The following ZSCAN25 variants were observed in gnomAD, a reference collection of about 807,000 sequenced individuals.
ZSCAN25 encodes the protein zinc finger and SCAN domain-containing protein 25.
Under a neutral mutation model 38.7 loss-of-function variants are expected in ZSCAN25, and 27 were observed. That is an observed-to-expected ratio of 0.70 (90% CI 0.51 to 0.96). The LOEUF is 0.96. ZSCAN25 is among the 40% of genes least tolerant of loss of function. ZSCAN25 has a pLI of 0.00. For missense variants in ZSCAN25, 637 were observed against 705.9 expected, an observed-to-expected ratio of 0.90 and a Z score of 1.11; for synonymous variants, 273 against 277.7, an observed-to-expected ratio of 0.98 and a Z score of 0.17.
the ZSCAN25 span, chr7:99,717,213 C>G: frequency 1.2e-6 from 2 of 1,613,894 alleles, no homozygotes; most frequent in South Asian, 2.2e-5. Context: ...CTCTGCTTCC[C>G]GCCTCAGATT....
chr7:99,714,493 A>T, the ZSCAN25 span: 133 of 1,600,912 alleles, frequency 8.3e-5, 2 homozygotes, highest in South Asian at 1.1e-3. Context: ...CACCGATCAT[A>T]TGTATATTTC....
At chr7:99,638,591 A>G in the ZSCAN25 span, 5 of 1,577,992 alleles carry the variant, frequency 3.2e-6, no homozygotes, top group Non-Finnish European at 3.5e-6. Flanking sequence ...CATATGTTGA[A>G]CTTGACATTT....
intron 7 of ZSCAN25, among the ~76,000 whole-genome samples, chr7:99,626,677 G>C (rs750584529): frequency 6.6e-6 from 1 of 152,206 alleles, no homozygotes; most frequent in Non-Finnish European, 1.5e-5. Flanking sequence ...AGTTCCATTT[G>C]TTGACTTTGA....
chr7:99,622,827 A>G (rs1430651612), intron 6 of ZSCAN25, among the ~76,000 whole-genome samples, 187 bp downstream of exon 6: 1 of 152,138 alleles, frequency 6.6e-6, no homozygotes, highest in Non-Finnish European at 1.5e-5. Context: ...GTTAATTTAC[A>G]TCGAACCTTA....
At chr7:99,704,790 C>T in the ZSCAN25 span, among the ~76,000 whole-genome samples, 2 of 151,858 alleles carry the variant, frequency 1.3e-5, no homozygotes, top group Non-Finnish European at 1.5e-5. Context: ...AGTGAAACTC[C>T]GTCTGTACTA....
the ZSCAN25 span, among the ~76,000 whole-genome samples, chr7:99,700,577 T>G: frequency 6.6e-6 from 1 of 152,154 alleles, no homozygotes; most frequent in South Asian, 2.1e-4. Flanking sequence ...ATGTAACCAT[T>G]TCCTCCTCTG....
At chr7:99,715,688 T>C in the ZSCAN25 span, 1 of 1,609,208 alleles carries the variant, frequency 6.2e-7, no homozygotes. Flanking sequence ...AATTACATGG[T>C]GATTTACATC....
chr7:99,727,455 T>G, the ZSCAN25 span, among the ~76,000 whole-genome samples: 8 of 152,112 alleles, frequency 5.3e-5, no homozygotes, highest in African/African-American at 1.7e-4. Context: ...CTCTGTTGAG[T>G]CTCCCACAAT....
At chr7:99,714,752 A>G in the ZSCAN25 span, 2 of 1,582,996 alleles carry the variant, frequency 1.3e-6, no homozygotes, top group Non-Finnish European at 1.7e-6. Flanking sequence ...GAGCAATTCT[A>G]ATTTTCTCTA....
chr7:99,688,579 T>G, the ZSCAN25 span, among the ~76,000 whole-genome samples: 1 of 152,144 alleles, frequency 6.6e-6, no homozygotes, highest in Non-Finnish European at 1.5e-5. Flanking sequence ...AATGGGAGAC[T>G]TTAACACCCC....
the ZSCAN25 span, chr7:99,638,530 C>T: frequency 1.5e-5 from 23 of 1,512,472 alleles, no homozygotes; most frequent in South Asian, 2.0e-4. Context: ...CCTTGGGTCC[C>T]AGTGTAGTTA....
the ZSCAN25 span, chr7:99,648,424 G>A: frequency 3.3e-6 from 5 of 1,528,818 alleles, no homozygotes; most frequent in Non-Finnish European, 4.4e-6. Flanking sequence ...ACAAGCATAT[G>A]GAGAATTAAT....
Position 99,617,017 on chromosome 7 carries a change from G to A in ZSCAN25, c.-259+1G>A, listed in dbSNP as rs961414997. ...GAGAGGCCCTTCAGGGCCGCGGCGG[G>A]TGAGAGCCTCTTCAGGGCCGCAGCG... On this transcript the variant is annotated splice_donor_variant, in intron 1 of 7. Transcript: ENST00000394152. LOFTEE classifies it low-confidence loss of function (5UTR_SPLICE). 1 of 152,294 alleles carries A rather than the reference G, an allele frequency of 6.6e-6. No individual in the cohort carries two copies. The highest frequency in any genetic ancestry group is 1.5e-5 in the Non-Finnish European group (1 of 68,094). The allele number at this position is 152,294 out of a possible 1,614,324, so 9.4% of individuals were successfully genotyped here. A position where few individuals can be genotyped will look rare whatever the true frequency, so the allele number is the denominator to read the frequency against.
chr7:99,698,249 C>T, the ZSCAN25 span, among the ~76,000 whole-genome samples: 7 of 152,284 alleles, frequency 4.6e-5, no homozygotes, highest in South Asian at 1.2e-3. Flanking sequence ...CCTGGCTGCC[C>T]GAGTCTGTAG....
At chr7:99,700,815 C>G in the ZSCAN25 span, among the ~76,000 whole-genome samples, 1 of 152,184 alleles carries the variant, frequency 6.6e-6, no homozygotes, top group Non-Finnish European at 1.5e-5. Flanking sequence ...TGTGTGTCAT[C>G]CCCTCTGAGT....
chr7:99,708,487 C>A, the ZSCAN25 span, among the ~76,000 whole-genome samples: 1 of 151,906 alleles, frequency 6.6e-6, no homozygotes, highest in African/African-American at 2.4e-5. Context: ...CCTCCTTCTC[C>A]TCCTTCTTCT....
chr7:99,706,601 C>G, the ZSCAN25 span, among the ~76,000 whole-genome samples: 57 of 152,296 alleles, frequency 3.7e-4, no homozygotes, highest in African/African-American at 1.2e-3. Flanking sequence ...TGTTCTTTAA[C>G]TTCTTCAGAG....
the ZSCAN25 span, among the ~76,000 whole-genome samples, chr7:99,719,035 A>C: frequency 6.6e-6 from 1 of 152,248 alleles, no homozygotes; most frequent in Admixed American, 6.5e-5. Context: ...TACTATGTTC[A>C]TGAATTGAAA....
At chr7:99,706,995 T>A in the ZSCAN25 span, among the ~76,000 whole-genome samples, 113,982 of 152,172 alleles carry the variant, frequency 0.75, 46,293 homozygotes, top group Non-Finnish European at 0.91. Context: ...TGAAATTATA[T>A]GATAATAGCC....
Sources: gnomAD v4.1 joint callset for allele counts (sites outside exome capture counted in the v4.1 genomes callset) on GRCh38, gnomAD v4.1.1 for gene constraint, MANE v1.5 for transcripts, NCBI Gene and HGNC (gene_info 2026-07-23, HGNC 2026-07-21) for gene names.